The following NARS2 variants were observed in gnomAD, a reference collection of about 807,000 sequenced individuals.
NARS2 encodes the protein asparaginyl-tRNA synthetase 2, mitochondrial.
NARS2 carries 60 observed loss-of-function variants against 62.9 expected under a neutral mutation model. The observed-to-expected ratio is 0.95, with a 90% CI of 0.77 to 1.18. NARS2 has a LOEUF of 1.18. NARS2 is among the 50% of genes most tolerant of loss of function. The pLI is 0.00. For synonymous variants in NARS2, 196 were observed against 200.0 expected (o/e 0.98, Z 0.17); for missense variants, 619 against 576.4 (o/e 1.07, Z -0.76).
chr11:78,504,830 G>C (rs1860426914), intron 6 of NARS2, among the ~76,000 whole-genome samples: 1 of 152,076 alleles, frequency 6.6e-6, no homozygotes, highest in Non-Finnish European at 1.5e-5. Context: ...GTGATCACAG[G>C]TCTTGGTTTG....
At chr11:78,479,345 A>C (rs1025880494) in intron 7 of NARS2, among the ~76,000 whole-genome samples, 2 of 152,184 alleles carry the variant, frequency 1.3e-5, no homozygotes, top group African/African-American at 4.8e-5. Flanking sequence ...CTCTACAAAA[A>C]TAAAAAGAAA....
intron 5 of NARS2, 132 bp downstream of exon 5, chr11:78,559,407 T>C: frequency 1.5e-6 from 1 of 650,994 alleles, no homozygotes; most frequent in Non-Finnish European, 2.7e-6. Context: ...TGTAAGTTTT[T>C]CAAGGATTTT....
intron 11 of NARS2, among the ~76,000 whole-genome samples, chr11:78,462,504 A>G (rs2135200134): frequency 6.6e-6 from 1 of 152,338 alleles, no homozygotes; most frequent in East Asian, 1.9e-4. Flanking sequence ...AGGCAGTTGG[A>G]AGAAGTGGAA....
intron 4 of NARS2, among the ~76,000 whole-genome samples, chr11:78,563,829 CAAAAAAAAA>C (rs1167838676): frequency 2.1e-4 from 3 of 14,116 alleles, no homozygotes; most frequent in African/African-American, 5.3e-4. Flanking sequence ...AACTCTGTAT[CAAAAAAAAA>C]AAAAAAAAAA....
intron 11 of NARS2, among the ~76,000 whole-genome samples, chr11:78,450,666 C>CTTTTT (rs781420225): frequency 1.5e-3 from 153 of 101,336 alleles, no homozygotes; most frequent in Non-Finnish European, 2.1e-3. Context: ...AAAGCCTTGT[C>CTTTTT]TTTTTTTTTT....
intron 9 of NARS2, among the ~76,000 whole-genome samples, chr11:78,472,243 C>T (rs867579588): frequency 6.6e-6 from 1 of 152,146 alleles, no homozygotes; most frequent in Non-Finnish European, 1.5e-5. Flanking sequence ...TATCTCTTCT[C>T]CTTTCCAGAA....
chr11:78,538,380 A>AT (rs1450094399), intron 5 of NARS2, among the ~76,000 whole-genome samples: 2 of 152,214 alleles, frequency 1.3e-5, no homozygotes, highest in African/African-American at 4.8e-5. Context: ...AGAGCAATAA[A>AT]TAAGAGAACA....
intron 11 of NARS2, among the ~76,000 whole-genome samples, chr11:78,456,985 T>A (rs766137856): frequency 2.0e-5 from 3 of 152,210 alleles, no homozygotes; most frequent in Non-Finnish European, 4.4e-5. Context: ...AATCAGAGAA[T>A]CTTAGAGAGG....
intron 6 of NARS2, among the ~76,000 whole-genome samples, chr11:78,524,606 C>G (rs1284025341): frequency 1.3e-5 from 2 of 151,876 alleles, no homozygotes; most frequent in Non-Finnish European, 2.9e-5. Context: ...CAATTTAAAT[C>G]TCTCTTGGAA....
At chr11:78,521,114 G>C (rs187412358) in intron 6 of NARS2, among the ~76,000 whole-genome samples, 32 of 148,862 alleles carry the variant, frequency 2.1e-4, no homozygotes, top group African/African-American at 7.6e-4. Flanking sequence ...AAATGCAAAA[G>C]TAAGATAAAT....
chr11:78,496,975 A>G (rs886469331), intron 6 of NARS2, among the ~76,000 whole-genome samples: 1 of 152,160 alleles, frequency 6.6e-6, no homozygotes, highest in African/African-American at 2.4e-5. Flanking sequence ...ACCAACCAAC[A>G]TTTAAATAAA....
intron 6 of NARS2, among the ~76,000 whole-genome samples, chr11:78,513,686 G>A (rs1860801158): frequency 6.6e-6 from 1 of 152,122 alleles, no homozygotes; most frequent in Non-Finnish European, 1.5e-5. Context: ...GCTGAGGCAG[G>A]AGAATTGCTT....
At chr11:78,454,482 T>C (rs1169158268) in intron 11 of NARS2, among the ~76,000 whole-genome samples, 1 of 152,206 alleles carries the variant, frequency 6.6e-6, no homozygotes, top group Non-Finnish European at 1.5e-5. Flanking sequence ...GTGACATGCC[T>C]GTTCCCTCTT....
rs369953155 is a variant in NARS2 at position 78,450,446 on chromosome 11, T to C, written c.1165-6688A>G. 5.9e-5 allele frequency among the ~76,000 whole-genome samples: 9 copies of C among 152,292 alleles called. No individual in the cohort carries two copies. The East Asian group carries it at 9.7e-4, about 16-fold the overall frequency. On this transcript the variant is annotated intron_variant, in intron 11 of 13. Coordinates refer to ENST00000281038, the MANE Select transcript of NARS2 (RefSeq NM_024678.6). ...GAACACATATCATCTTTGTTCTTTC[T>C]TTGCCTACATGGTCTGAAAATTCAC...
chr11:78,511,609 C>T (rs902072867), intron 6 of NARS2, among the ~76,000 whole-genome samples: 10 of 151,786 alleles, frequency 6.6e-5, no homozygotes, highest in African/African-American at 2.2e-4. Context: ...CCCAGCTACT[C>T]GAGAGGCTGA....
intron 11 of NARS2, among the ~76,000 whole-genome samples, chr11:78,449,032 T>G (rs1857865698): frequency 6.6e-6 from 1 of 152,180 alleles, no homozygotes; most frequent in Non-Finnish European, 1.5e-5. Flanking sequence ...GCAACCACAC[T>G]GACTTTTCTC....
intron 6 of NARS2, among the ~76,000 whole-genome samples, chr11:78,499,627 G>A (rs906360302): frequency 6.6e-6 from 1 of 152,144 alleles, no homozygotes; most frequent in Non-Finnish European, 1.5e-5. Flanking sequence ...TCTTTGAAAA[G>A]GACTAGAGCG....
chr11:78,564,497 A>G (rs574592110), intron 4 of NARS2, among the ~76,000 whole-genome samples: 1 of 152,062 alleles, frequency 6.6e-6, no homozygotes, highest in African/African-American at 2.4e-5. Flanking sequence ...TGACTACTTT[A>G]TTTTTTTATT....
intron 7 of NARS2, among the ~76,000 whole-genome samples, chr11:78,481,097 A>G (rs1859334316): frequency 6.6e-6 from 1 of 152,126 alleles, no homozygotes; most frequent in Non-Finnish European, 1.5e-5. Flanking sequence ...CCAGGATTAC[A>G]GGCATGAGCC....
Sources: allele counts gnomAD v4.1 joint callset (sites outside exome capture counted in the v4.1 genomes callset), GRCh38; gene constraint gnomAD v4.1.1; transcripts MANE v1.5; gene names NCBI Gene and HGNC (gene_info 2026-07-23, HGNC 2026-07-21).